TMTC1: variants seen among roughly 807,000 people sequenced by gnomAD.
The protein encoded by TMTC1 is transmembrane O-mannosyltransferase targeting cadherins 1.
In TMTC1, 73 loss-of-function variants were observed where a neutral mutation model predicts 104.8. The observed-to-expected ratio is 0.70, with a 90% confidence interval of 0.58 to 0.85. The LOEUF is 0.85. Among genes scored for constraint, TMTC1 ranks in the 40% least tolerant of loss-of-function variants. The pLI is 0.00. For missense variants in TMTC1, 1,035 were observed against 1,096.1 expected (o/e 0.94, Z 0.79); for synonymous variants, 434 against 428.7 (o/e 1.01, Z -0.15).
At chr12:29,507,179 C>G (rs1943716287) in intron 17 of TMTC1, among the ~76,000 whole-genome samples, 193 bp from the exon 18 acceptor site, 1 of 152,148 alleles carries the variant, frequency 6.6e-6, no homozygotes, top group Non-Finnish European at 1.5e-5. Context: ...AGCACTAGAT[C>G]AGTTGCAGAA....
chr12:29,643,539 T>C (rs1334597529), intron 5 of TMTC1, among the ~76,000 whole-genome samples: 2 of 60,750 alleles, frequency 3.3e-5, no homozygotes, highest in Non-Finnish European at 6.0e-5. Context: ...ATATATAATA[T>C]ATATCACATA....
intron 5 of TMTC1, among the ~76,000 whole-genome samples, chr12:29,745,618 CAAAAAAAAA>C (rs71444341): frequency 1.3e-4 from 11 of 84,574 alleles, no homozygotes; most frequent in African/African-American, 3.6e-4. Context: ...GAGACTCAAT[CAAAAAAAAA>C]AAAAAAAAAA....
intron 5 of TMTC1, among the ~76,000 whole-genome samples, chr12:29,687,873 G>A (rs1205201108): frequency 6.6e-6 from 1 of 152,026 alleles, no homozygotes; most frequent in Non-Finnish European, 1.5e-5. Context: ...CTTCTTAGCA[G>A]GACACCAGTC....
intron 11 of TMTC1, chr12:29,532,628 T>C (rs966538639): frequency 2.7e-5 from 4 of 150,374 alleles, no homozygotes; most frequent in Non-Finnish European, 5.9e-5. Flanking sequence ...TAAATATTAG[T>C]ATGGAACACA....
At chr12:29,723,570 TTTAA>T (rs1191987535) in intron 5 of TMTC1, among the ~76,000 whole-genome samples, 1 of 151,836 alleles carries the variant, frequency 6.6e-6, no homozygotes, top group Non-Finnish European at 1.5e-5. Flanking sequence ...TTCTTTTTTT[TTTAA>T]TTAGTCAGAT....
At chr12:29,778,063 A>C (rs1943752641) in intron 1 of TMTC1, among the ~76,000 whole-genome samples, 1 of 152,198 alleles carries the variant, frequency 6.6e-6, no homozygotes, top group Non-Finnish European at 1.5e-5. Flanking sequence ...AAATGCTGTA[A>C]ATTCCTACAG....
At chr12:29,703,976 G>A (rs1318817621) in intron 5 of TMTC1, among the ~76,000 whole-genome samples, 2 of 152,086 alleles carry the variant, frequency 1.3e-5, no homozygotes, top group Non-Finnish European at 2.9e-5. Flanking sequence ...GAATCATGGG[G>A]TCAGGTTTTT....
At chr12:29,765,301 A>C (rs543549211) in intron 2 of TMTC1, among the ~76,000 whole-genome samples, 1 of 152,300 alleles carries the variant, frequency 6.6e-6, no homozygotes, top group South Asian at 2.1e-4. Context: ...ATGAGGCCAT[A>C]ATGTTCCTGT....
chr12:29,568,191 T>C (rs899112453), intron 9 of TMTC1, among the ~76,000 whole-genome samples: 1 of 152,152 alleles, frequency 6.6e-6, no homozygotes, highest in Non-Finnish European at 1.5e-5. Context: ...AATTAAATAG[T>C]GAGTGGAGAT....
chr12:29,629,337 A>T (rs568650677), intron 6 of TMTC1, among the ~76,000 whole-genome samples: 1 of 151,890 alleles, frequency 6.6e-6, no homozygotes, highest in Non-Finnish European at 1.5e-5. Context: ...GAAAAAAAAA[A>T]AGCTACCTAT....
chr12:29,633,897 T>G (rs1209683420), intron 5 of TMTC1, among the ~76,000 whole-genome samples: 1 of 152,198 alleles, frequency 6.6e-6, no homozygotes, highest in Admixed American at 6.5e-5. Flanking sequence ...TGGCTGCCAC[T>G]AGGCACTAAG....
intron 7 of TMTC1, among the ~76,000 whole-genome samples, chr12:29,597,236 T>TC (rs371154006): frequency 0.017 from 2,392 of 140,412 alleles, 86 homozygotes; most frequent in African/African-American, 0.063. Flanking sequence ...TTTCTTTCTT[T>TC]TCTTTCTTTT....
At chr12:29,508,081 T>G (rs1341338081) in intron 17 of TMTC1, among the ~76,000 whole-genome samples, 5 of 152,232 alleles carry the variant, frequency 3.3e-5, no homozygotes, top group Non-Finnish European at 7.3e-5. Context: ...CTAACATTAC[T>G]GTTATTAATG....
Position 29,523,168 on chromosome 12 carries a change from C to T in TMTC1, c.1786-2448G>A, listed in dbSNP as rs556191409. On this transcript the variant is annotated intron_variant, in intron 11 of 17. Transcript: ENST00000539277. The stretch of plus-strand genomic sequence containing the variant: ...CTCCCTTTCCTTGACAAATATTTCA[C>T]GAACACCATTGTTAAAAGAAAAACT... 5.9e-5 allele frequency among the ~76,000 whole-genome samples: 9 copies of T among 152,282 alleles called. No homozygotes were observed. In the South Asian group the frequency reaches 1.2e-3, roughly 21 times the overall value.
chr12:29,620,307 C>T (rs138302488), intron 6 of TMTC1, among the ~76,000 whole-genome samples: 179 of 152,258 alleles, frequency 1.2e-3, no homozygotes, highest in African/African-American at 4.1e-3. Context: ...CAGCTCAGTG[C>T]TGATCACTCC....
intron 5 of TMTC1, among the ~76,000 whole-genome samples, chr12:29,655,067 A>T (rs1014827328): frequency 6.6e-6 from 1 of 152,094 alleles, no homozygotes; most frequent in African/African-American, 2.4e-5. Flanking sequence ...TATTTTTAGT[A>T]GAGATGGGGT....
chr12:29,521,566 C>CTTTTTTT (rs3036151), intron 11 of TMTC1, among the ~76,000 whole-genome samples: 24 of 89,642 alleles, frequency 2.7e-4, no homozygotes, highest in African/African-American at 5.9e-4. Flanking sequence ...TTCTTTCTTT[C>CTTTTTTT]TTTTTTTTTT....
chr12:29,722,920 C>CAAAAAAAAAAAAAAAAAAA lies in TMTC1; in HGVS notation c.938+28745_938+28746insTTTTTTTTTTTTTTTTTTT, dbSNP rs60730102. The stretch of plus-strand genomic sequence containing the variant: ...TGAGCAACAGAGCAAGACTCTGTCT[C>CAAAAAAAAAAAAAAAAAAA]AAAAAAAAAAAAAAAGGAAGAAAGA... On this transcript the variant is annotated intron_variant, in intron 5 of 17. Coordinates refer to ENST00000539277, the MANE Select transcript of TMTC1 (RefSeq NM_001193451.2). Among the ~76,000 whole-genome samples the CAAAAAAAAAAAAAAAAAAA allele has an allele frequency of 1.9e-5, 2 of 104,500 alleles. 1 individual carries two copies. The allele number at this position is 104,500 out of a possible 152,430, so 68.6% of individuals were successfully genotyped here.
chr12:29,645,602 G>A (rs1939232955), intron 5 of TMTC1, among the ~76,000 whole-genome samples: 1 of 152,138 alleles, frequency 6.6e-6, no homozygotes, highest in African/African-American at 2.4e-5. Context: ...TGCAAAAAAG[G>A]AAATACAGTT....
Sources: gnomAD v4.1 joint callset for allele counts (sites outside exome capture counted in the v4.1 genomes callset) on GRCh38, gnomAD v4.1.1 for gene constraint, MANE v1.5 for transcripts, NCBI Gene and HGNC (gene_info 2026-07-23, HGNC 2026-07-21) for gene names.